PSMG2: variants seen among roughly 807,000 people sequenced by gnomAD.
PSMG2 encodes the protein proteasome assembly chaperone 2, also known as CD40 ligand-activated specific transcript 3.
A neutral mutation model predicts 31.5 loss-of-function variants in PSMG2; 21 were observed. The observed-to-expected ratio is 0.67, with a 90% CI of 0.47 to 0.96. The LOEUF is 0.96. PSMG2 is among the 40% of genes least tolerant of loss of function. The pLI is 0.00. For synonymous variants in PSMG2, 120 were observed against 110.4 expected (o/e 1.09, Z -0.54); for missense variants, 318 against 321.2 (o/e 0.99, Z 0.08).
chr18:12,714,006 C>CT (rs1284482696), intron 3 of PSMG2, among the ~76,000 whole-genome samples: 1 of 152,106 alleles, frequency 6.6e-6, no homozygotes, highest in Non-Finnish European at 1.5e-5. Flanking sequence ...CCACCTTGGC[C>CT]TTTCAAATGC....
chr18:12,670,603 A>C (rs1193965594), intron 1 of PSMG2: 1 of 152,154 alleles, frequency 6.6e-6, no homozygotes, highest in Non-Finnish European at 1.5e-5. Flanking sequence ...GAAAATTACA[A>C]GCAATTTTCT....
chr18:12,660,799 T>C (rs2038682130), intron 1 of PSMG2, among the ~76,000 whole-genome samples: 1 of 152,156 alleles, frequency 6.6e-6, no homozygotes, highest in Admixed American at 6.5e-5. Context: ...ATGATATACT[T>C]AAATATTTTG....
chr18:12,700,311 A>C (rs9961224), upstream of PSMG2: 2,691 of 153,988 alleles, frequency 0.017, 90 homozygotes, highest in African/African-American at 0.061. Context: ...ACGGGTTCAT[A>C]AACTTCAAAA....
chr18:12,700,062 TA>T, upstream of PSMG2: 1 of 440,926 alleles, frequency 2.3e-6, no homozygotes, highest in East Asian at 3.6e-5. Context: ...ATAATGAAAA[TA>T]AAAGCCTGCA....
chr18:12,672,371 C>T (rs2038970751), intron 1 of PSMG2, among the ~76,000 whole-genome samples: 1 of 152,180 alleles, frequency 6.6e-6, no homozygotes, highest in Admixed American at 6.5e-5. Context: ...CCACCTCGGC[C>T]TCCCAAAGTG....
At chr18:12,705,403 A>G (rs1427017793) in intron 1 of PSMG2, among the ~76,000 whole-genome samples, 1 of 152,070 alleles carries the variant, frequency 6.6e-6, no homozygotes, top group Non-Finnish European at 1.5e-5. Flanking sequence ...AAATTTGGGC[A>G]AAAGTTTATA....
rs1327721853 is a variant in PSMG2, at chr18:12,682,009, A to C, written c.-37+23236A>C. 3.3e-5 allele frequency among the ~76,000 whole-genome samples: 5 copies of C among 151,770 alleles called. No homozygotes were observed. The East Asian group carries it at 9.6e-4, about 29-fold the overall frequency. On this transcript the variant is annotated intron_variant, in intron 1 of 6. Transcript: ENST00000585331. ...AGACTCTGTCTCTAAAAAAAAAAAG[A>C]AAAAAAGAAAAGAAAATATCTGATA...
chr18:12,720,499 A>T lies in PSMG2; in HGVS notation c.408-11A>T, dbSNP rs187332857. 64 of 1,560,782 alleles carry T rather than the reference A, an allele frequency of 4.1e-5. No homozygotes were observed. In the East Asian group the frequency reaches 1.1e-3, roughly 27 times the overall value. ...GAGTTTTTAAAAAGTTAACTATATG[A>T]TTATTTCTAGTACTCCCTTCCGGTA... On this transcript the variant is annotated splice_polypyrimidine_tract_variant and intron_variant, in intron 4 of 6. Transcript: ENST00000317615.
chr18:12,678,072 A>G (rs752644871), intron 1 of PSMG2: 4 of 1,514,954 alleles, frequency 2.6e-6, no homozygotes, highest in Admixed American at 1.7e-5. Context: ...ATAAATGAAA[A>G]GAAGTATGAA....
intron 2 of PSMG2, among the ~76,000 whole-genome samples, chr18:12,710,853 G>A (rs987535442): frequency 2.6e-5 from 4 of 152,134 alleles, no homozygotes; most frequent in East Asian, 1.9e-4. Context: ...TAATCCTAGC[G>A]CTTTGGGAGG....
chr18:12,674,457 AGG>A, intron 1 of PSMG2: 1 of 996,864 alleles, frequency 1.0e-6, no homozygotes. Flanking sequence ...AAAAAAAAAA[AGG>A]AAATTAAAAA....
intron 2 of PSMG2, among the ~76,000 whole-genome samples, chr18:12,706,927 G>A (rs767644973): frequency 2.6e-4 from 39 of 151,950 alleles, no homozygotes; most frequent in Non-Finnish European, 4.7e-4. Flanking sequence ...TCTTACGAAG[G>A]TTGAGAATAA....
chr18:12,677,962 T>C, intron 1 of PSMG2: 1 of 607,426 alleles, frequency 1.6e-6, no homozygotes. Context: ...CTCATGACTT[T>C]CAAAATTATA....
At chr18:12,706,138 A>G (rs1208333489) in intron 1 of PSMG2, among the ~76,000 whole-genome samples, 1 of 152,246 alleles carries the variant, frequency 6.6e-6, no homozygotes, top group Non-Finnish European at 1.5e-5. Flanking sequence ...TGATGCTTTC[A>G]GTACTAATAT....
chr18:12,706,794 A>G lies in PSMG2; in HGVS notation c.229+73A>G. On this transcript the variant is annotated intron_variant, in intron 2 of 6. Transcript: ENST00000317615. ...TTTAAATTAGAAATAGACTTTATTG[A>G]TAATTGTTTTGTAGCAAATGTTTAC... 2.1e-6 allele frequency: 3 copies of G among 1,449,336 alleles called. No individual in the cohort carries two copies. In the South Asian group the frequency reaches 4.0e-5, roughly 20 times the overall value. 89.8% of individuals were successfully genotyped at this position (1,449,336 alleles called of 1,614,324 possible).
intron 1 of PSMG2, among the ~76,000 whole-genome samples, chr18:12,688,721 T>C (rs2039635320): frequency 6.6e-6 from 1 of 152,188 alleles, no homozygotes; most frequent in Admixed American, 6.6e-5. Context: ...AAATTTAAAA[T>C]TCAATTATTT....
At chr18:12,711,688 A>T (rs1598682300) in intron 2 of PSMG2, among the ~76,000 whole-genome samples, 1 of 151,204 alleles carries the variant, frequency 6.6e-6, no homozygotes, top group East Asian at 1.9e-4. Flanking sequence ...CTTACCCCTT[A>T]GCACAGTAGT....
At chr18:12,672,600 TAATG>T (rs1328776549) in intron 1 of PSMG2, 3 of 943,742 alleles carry the variant, frequency 3.2e-6, no homozygotes, top group Non-Finnish European at 2.5e-6. Flanking sequence ...AAGAGGCTAA[TAATG>T]AATCCTCTGA....
intron 4 of PSMG2, 95 bp downstream of exon 4, chr18:12,718,730 T>G (rs1279554150): frequency 1.3e-6 from 1 of 798,124 alleles, no homozygotes; most frequent in East Asian, 2.6e-5. Context: ...ACGTAGATCC[T>G]TACCTCTTCT....
Sources: gnomAD v4.1 joint callset for allele counts (sites outside exome capture counted in the v4.1 genomes callset) on GRCh38, gnomAD v4.1.1 for gene constraint, MANE v1.5 for transcripts, NCBI Gene and HGNC (gene_info 2026-07-23, HGNC 2026-07-21) for gene names.